Variants in PHF21A observed in about 807,000 individuals in gnomAD.
PHF21A encodes BHC80a.
PHF21A carries 11 observed loss-of-function variants against 82.5 expected under a neutral mutation model. The ratio of observed to expected loss-of-function variants is 0.13; its 90% confidence interval spans 0.08 to 0.22. The LOEUF is 0.22. PHF21A is among the 10% of genes least tolerant of loss of function. PHF21A has a pLI of 1.00. For synonymous variants in PHF21A, 297 were observed against 302.8 expected, an observed-to-expected ratio of 0.98 and a Z score of 0.20; for missense variants, 579 against 837.8, an observed-to-expected ratio of 0.69 and a Z score of 3.81.
intron 1 of PHF21A, among the ~76,000 whole-genome samples, chr11:46,102,440 G>A (rs1368163933): frequency 6.6e-6 from 1 of 152,130 alleles, no homozygotes; most frequent in Admixed American, 6.5e-5. Flanking sequence ...ATATAATAAG[G>A]CATCAGTGGT....
At chr11:45,938,446 G>A in intron 15 of PHF21A, 134 bp from the exon 16 acceptor site, 1 of 693,926 alleles carries the variant, frequency 1.4e-6, no homozygotes, top group South Asian at 1.9e-5. Context: ...AAGAGAAGCA[G>A]GAATCACCAA....
intron 7 of PHF21A, among the ~76,000 whole-genome samples, chr11:45,971,890 C>CTTTCTTTTTTTTTTTTTTTTT (rs57081937): frequency 0.018 from 881 of 50,234 alleles, 288 homozygotes; most frequent in Admixed American, 0.024. Context: ...CTTTTTCTTT[C>CTTTCTTTTTTTTTTTTTTTTT]TTTTTTTTTT....
intron 13 of PHF21A, 49 bp downstream of exon 13, chr11:45,949,353 T>A: frequency 6.8e-7 from 1 of 1,477,152 alleles, no homozygotes; most frequent in Non-Finnish European, 9.5e-7. Context: ...GAACAGCTCA[T>A]AAATAAAACT....
intron 6 of PHF21A, among the ~76,000 whole-genome samples, chr11:46,037,425 TG>T (rs959360092): frequency 5.9e-5 from 9 of 152,130 alleles, no homozygotes; most frequent in African/African-American, 2.2e-4. Flanking sequence ...GCAGATCACC[TG>T]AGGTCAGGAG....
At chr11:46,089,191 T>C (rs941718933) in intron 3 of PHF21A, among the ~76,000 whole-genome samples, 2 of 152,188 alleles carry the variant, frequency 1.3e-5, no homozygotes. Context: ...TAGGAAAAAG[T>C]AGGTCTTGAC....
chr11:45,946,144 AC>A lies in PHF21A; in HGVS notation c.1289-142del, dbSNP rs1565192568. 1.9e-6 allele frequency: 3 copies of A among 1,595,220 alleles called. No individual in the cohort carries two copies. The South Asian group carries it at 3.3e-5, about 18-fold the overall frequency. Reference sequence around the variant, plus strand: ...AGGTAGCAGACAGAAGGTTAATTCAACAGTCCCAAAGGAAGGAAGAGAAGCA... The same window carrying A: ...AGGTAGCAGACAGAAGGTTAATTCAAAGTCCCAAAGGAAGGAAGAGAAGCA... On this transcript the variant is annotated intron_variant, in intron 14 of 18. Coordinates refer to ENST00000676320, the MANE Select transcript of PHF21A (RefSeq NM_001352027.3).
At chr11:46,037,640 C>CA (rs1000939610) in intron 6 of PHF21A, among the ~76,000 whole-genome samples, 3,297 of 57,596 alleles carry the variant, frequency 0.057, 67 homozygotes, top group Non-Finnish European at 0.088. Flanking sequence ...AACGTCATCT[C>CA]AAAAAAAAAA....
intron 6 of PHF21A, among the ~76,000 whole-genome samples, chr11:46,019,465 T>G (rs1449000908): frequency 1.3e-5 from 2 of 152,168 alleles, no homozygotes; most frequent in Non-Finnish European, 2.9e-5. Flanking sequence ...CCCTAAGATG[T>G]GGCCAATCCA....
intron 6 of PHF21A, among the ~76,000 whole-genome samples, chr11:45,981,404 A>AAAAAC (rs1322875253): frequency 3.9e-5 from 5 of 127,816 alleles, no homozygotes; most frequent in African/African-American, 1.1e-4. Context: ...AAAAAAAAAA[A>AAAAAC]AAAAAAAAAA....
At chr11:46,076,438 A>C (rs1043253446) in intron 6 of PHF21A, among the ~76,000 whole-genome samples, 3 of 152,246 alleles carry the variant, frequency 2.0e-5, no homozygotes, top group Admixed American at 6.5e-5. Flanking sequence ...AAGATTCTCT[A>C]TCACCTATTC....
intron 6 of PHF21A, among the ~76,000 whole-genome samples, chr11:46,034,173 A>AC (rs2095932602): frequency 1.3e-5 from 2 of 152,148 alleles, no homozygotes; most frequent in Admixed American, 6.6e-5. Context: ...TGTAACATAT[A>AC]CTAGTATTTT....
chr11:45,934,276 G>T (rs778144530), intron 18 of PHF21A, 51 bp from the exon 19 acceptor site: 3 of 1,568,330 alleles, frequency 1.9e-6, no homozygotes, highest in Middle Eastern at 2.1e-4. Context: ...TTTCTAACAG[G>T]CCTGGCAGCC....
Position 45,949,392 on chromosome 11 carries a change from C to A in PHF21A, c.1227+10G>T. 1 of 1,610,578 alleles carries A rather than the reference C, an allele frequency of 6.2e-7. No individual in the cohort carries two copies. The highest frequency in any genetic ancestry group is 8.5e-7 in the Non-Finnish European group (1 of 1,176,736). Reference sequence around the variant, plus strand: ...ACATGAGGGAAGGGCCAGATGCTGGCCAGTAATACCTCTGGCTCAAAGACT... The same window carrying A: ...ACATGAGGGAAGGGCCAGATGCTGGACAGTAATACCTCTGGCTCAAAGACT... On this transcript the variant is annotated intron_variant, in intron 13 of 18. Coordinates refer to ENST00000676320, the MANE Select transcript of PHF21A (RefSeq NM_001352027.3).
intron 6 of PHF21A, among the ~76,000 whole-genome samples, chr11:45,992,806 G>A (rs545409884): frequency 2.7e-4 from 41 of 152,288 alleles, no homozygotes; most frequent in African/African-American, 7.9e-4. Flanking sequence ...GTAGTAATAC[G>A]TTTCATAATG....
intron 6 of PHF21A, among the ~76,000 whole-genome samples, chr11:46,013,047 T>G (rs1341971328): frequency 6.6e-6 from 1 of 152,188 alleles, no homozygotes; most frequent in African/African-American, 2.4e-5. Flanking sequence ...ATATATACTA[T>G]GTTTTTTCCT....
chr11:45,989,857 A>G (rs7932895), intron 6 of PHF21A, among the ~76,000 whole-genome samples: 133,382 of 151,768 alleles, frequency 0.88, 58,828 homozygotes, highest in East Asian at 1. Flanking sequence ...AAATTAGCCA[A>G]GGATGGTGGC....
intron 1 of PHF21A, among the ~76,000 whole-genome samples, chr11:46,094,717 C>A (rs201935651): frequency 6.6e-6 from 1 of 151,790 alleles, no homozygotes; most frequent in Non-Finnish European, 1.5e-5. Context: ...ATAATTATTT[C>A]GTAGAAGTCT....
chr11:45,979,050 T>C (rs1485657858), intron 7 of PHF21A, among the ~76,000 whole-genome samples: 18 of 151,542 alleles, frequency 1.2e-4, no homozygotes, highest in Admixed American at 1.2e-3. Flanking sequence ...GGAGTTTTGC[T>C]CTGTTGCCCA....
chr11:46,104,278 T>A (rs2097129969), intron 1 of PHF21A, among the ~76,000 whole-genome samples: 1 of 152,172 alleles, frequency 6.6e-6, no homozygotes, highest in African/African-American at 2.4e-5. Context: ...CCAGACCCAA[T>A]GGACTGACCA....
Sources: gnomAD v4.1 joint callset for allele counts (sites outside exome capture counted in the v4.1 genomes callset) on GRCh38, gnomAD v4.1.1 for gene constraint, MANE v1.5 for transcripts, NCBI Gene and HGNC (gene_info 2026-07-23, HGNC 2026-07-21) for gene names.